IL16: variants seen among roughly 807,000 people sequenced by gnomAD.
The protein encoded by IL16 is pro-interleukin-16.
Under a neutral mutation model 110.1 loss-of-function variants are expected in IL16, and 67 were observed. The ratio of observed to expected loss-of-function variants is 0.61; its 90% CI spans 0.50 to 0.75. IL16 has a LOEUF of 0.75. Ranked by LOEUF, IL16 falls within the 30% of genes least tolerant of loss-of-function variation. IL16 has a pLI of 0.00. For synonymous variants in IL16, 689 were observed against 662.9 expected, an observed-to-expected ratio of 1.04 and a Z score of -0.61; for missense variants, 1,545 against 1,655.0, an observed-to-expected ratio of 0.93 and a Z score of 1.15.
At chr15:81,249,246 C>T (rs1415686713) in intron 2 of IL16, among the ~76,000 whole-genome samples, 2 of 152,148 alleles carry the variant, frequency 1.3e-5, no homozygotes, top group African/African-American at 4.8e-5. Flanking sequence ...ATTATTACTT[C>T]AGTCACTTTT....
In IL16 at chr15:81,309,126, A is replaced by C. The variant is rs2141654759; in HGVS notation, c.*328A>C. The stretch of plus-strand genomic sequence containing the variant: ...CATGCCTGGCTTCGCAAAATGTTTC[A>C]AGTACTGTAACTGTGTCATGATTCA... On this transcript the variant is annotated 3_prime_UTR_variant, in exon 19 of 19. Transcript: ENST00000683961. 3 of 249,900 alleles carry C rather than the reference A, an allele frequency of 1.2e-5. No individual in the cohort carries two copies. Among genetic ancestry groups the C allele is most frequent in the Non-Finnish European group, 2.3e-5 (3 of 130,564 alleles). 15.5% of individuals were successfully genotyped at this position (249,900 alleles called of 1,614,324 possible). A position where few individuals can be genotyped will look rare whatever the true frequency, so the allele number is the denominator to read the frequency against.
Position 81,225,613 on chromosome 15 carries a change from A to G in IL16, c.214A>G (p.Ser72Gly). The change falls in exon 2 of 19, where the codon AGC becomes GGC. Residue 72 changes from serine to glycine, a missense_variant. Ser to Gly is a moderately conservative substitution (Grantham distance 56). Transcript: ENST00000683961. ...QLADTSEAGP[S>G]SVPDLALASE... ...GGCAGACACATCGGAGGCTGGGCCC[A>G]GCAGTGTTCCTGATCTAGCACTGGC... 6.2e-7 allele frequency: 1 copy of G among 1,614,114 alleles called. No homozygotes were observed. The highest frequency in any genetic ancestry group is 8.5e-7 in the Non-Finnish European group (1 of 1,179,990).
At chr15:81,194,254 G>A (rs570239978), upstream of IL16, among the ~76,000 whole-genome samples, 23 of 152,274 alleles carry the variant, frequency 1.5e-4, no homozygotes, top group Middle Eastern at 3.4e-3. Flanking sequence ...GGGGCTTATT[G>A]CTCTGACCCT....
At chr15:81,267,598 C>G (rs900833515) in intron 4 of IL16, among the ~76,000 whole-genome samples, 3 of 152,034 alleles carry the variant, frequency 2.0e-5, no homozygotes, top group Admixed American at 1.3e-4. Context: ...AATTGACAAG[C>G]TGGAGACCCA....
chr15:81,303,243 G>T lies in IL16; in HGVS notation c.3319-306G>T. ...CTACAACCTGACTTCATCTCACACT[G>T]TCCAATATGCTGATTTCTGGCTGAC... is the stretch of plus-strand genomic sequence containing the variant. On this transcript the variant is annotated intron_variant, in intron 15 of 18. Coordinates refer to ENST00000683961, the MANE Select transcript of IL16 (RefSeq NM_172217.5). The surrounding 1 kb of genome is among the most constrained non-coding windows in gnomAD (Gnocchi z 4.1). 2 of 287,682 alleles carry T rather than the reference G, an allele frequency of 7.0e-6. No individual in the cohort carries two copies. Among genetic ancestry groups the T allele is most frequent in the Non-Finnish European group, 1.3e-5 (2 of 150,588 alleles). 17.8% of individuals were successfully genotyped at this position (287,682 alleles called of 1,614,324 possible).
chr15:81,266,276 A>G (rs1898379009), intron 4 of IL16, among the ~76,000 whole-genome samples: 1 of 152,254 alleles, frequency 6.6e-6, no homozygotes, highest in South Asian at 2.1e-4. Context: ...TTTCACTCCT[A>G]TAATCTAGTG....
At chr15:81,257,892 CA>C (rs1255871797) in intron 2 of IL16, among the ~76,000 whole-genome samples, 1 of 152,076 alleles carries the variant, frequency 6.6e-6, no homozygotes, top group Non-Finnish European at 1.5e-5. Flanking sequence ...AACCAATATC[CA>C]AAGATTCTAT....
intron 3 of IL16, among the ~76,000 whole-genome samples, chr15:81,263,764 C>A (rs1177421314): frequency 6.6e-6 from 1 of 152,174 alleles, no homozygotes; most frequent in Non-Finnish European, 1.5e-5. Flanking sequence ...CCTCTGAACC[C>A]AAAGCATGCA....
chr15:81,248,688 ATTCTATTTCTGTGAT>A (rs1897652559), intron 2 of IL16, among the ~76,000 whole-genome samples: 1 of 121,106 alleles, frequency 8.3e-6, no homozygotes, highest in Non-Finnish European at 1.8e-5. Context: ...TCTGTTTCTA[ATTCTATTTCTGTGAT>A]TTTTTTTCTT....
intron 2 of IL16, among the ~76,000 whole-genome samples, chr15:81,232,042 G>GTTTTTTTGTTTTTTTTTTTT (rs1897008513): frequency 1.7e-5 from 1 of 57,692 alleles, no homozygotes; most frequent in Non-Finnish European, 3.3e-5. Context: ...ATTTGTTCTT[G>GTTTTTTTGTTTTTTTTTTTT]TTTTTTTTTT....
intron 2 of IL16, among the ~76,000 whole-genome samples, chr15:81,231,323 T>G (rs1260736930): frequency 2.8e-5 from 4 of 143,064 alleles, no homozygotes; most frequent in Non-Finnish European, 4.5e-5. Flanking sequence ...AAGGTCGGTC[T>G]GTCTCTCTCT....
At chr15:81,187,946 G>A (rs1895441661) in intron 1 of IL16, among the ~76,000 whole-genome samples, 1 of 152,158 alleles carries the variant, frequency 6.6e-6, no homozygotes, top group South Asian at 2.1e-4. Context: ...TGCAGTTTTG[G>A]GTTCTGACAG....
intron 2 of IL16, among the ~76,000 whole-genome samples, chr15:81,251,779 G>A (rs1177050533): frequency 1.3e-5 from 2 of 152,016 alleles, no homozygotes; most frequent in Admixed American, 1.3e-4. Context: ...ACTCTACTGA[G>A]AGTCATTTCT....
chr15:81,304,107 A>G (rs1900431657), intron 16 of IL16, among the ~76,000 whole-genome samples: 1 of 152,238 alleles, frequency 6.6e-6, no homozygotes, highest in South Asian at 2.1e-4. Flanking sequence ...AGTTCACAGC[A>G]TCAGCCAGCA....
At chr15:81,279,439 A>C in intron 7 of IL16, 119 bp from the exon 8 acceptor site, 16 of 640,148 alleles carry the variant, frequency 2.5e-5, no homozygotes, top group Non-Finnish European at 4.0e-5. Flanking sequence ...GTATGAATAT[A>C]TGCGCACATT....
intron 1 of IL16, among the ~76,000 whole-genome samples, chr15:81,212,646 AT>A (rs1169305511): frequency 6.6e-6 from 1 of 151,690 alleles, no homozygotes; most frequent in African/African-American, 2.4e-5. Context: ...TAAGTTTTGT[AT>A]TTTTAGTAGA....
chr15:81,251,479 T>C (rs1013766294), intron 2 of IL16, among the ~76,000 whole-genome samples: 8 of 152,196 alleles, frequency 5.3e-5, no homozygotes, highest in African/African-American at 1.9e-4. Context: ...AAGTCTCCTG[T>C]CATGACACCT....
At chr15:81,263,257 A>G (rs200371820) in intron 3 of IL16, among the ~76,000 whole-genome samples, 1 of 152,074 alleles carries the variant, frequency 6.6e-6, no homozygotes, top group East Asian at 1.9e-4. Flanking sequence ...GTAATTCAAC[A>G]TAACTTTATA....
At position 81,292,589 on chromosome 15, in the gene IL16, G is replaced by T. The variant is rs369646049; in HGVS notation, c.1454G>T (p.Arg485Leu). 2 of 1,605,538 alleles carry T rather than the reference G, an allele frequency of 1.2e-6. No homozygotes were observed. The highest frequency in any genetic ancestry group is 8.5e-7 in the Non-Finnish European group (1 of 1,173,158). ...AGGCTGGAAAGCAGTTGGCACGGGC[G>T]GCCCACCTTGGAGAAGGAACGAGAG... ...VKRLESSWHG[R>L]PTLEKEREKN... is the part of the protein sequence containing the mutation. The change falls in exon 12 of 19, where the codon CGG becomes CTG. Residue 485 changes from arginine to leucine, a missense_variant. By Grantham distance (102) the Arg-to-Leu change is moderately radical. Transcript: ENST00000683961.
Sources: allele counts gnomAD v4.1 joint callset (sites outside exome capture counted in the v4.1 genomes callset), GRCh38; gene constraint gnomAD v4.1.1; non-coding constraint Gnocchi (gnomAD v3.1); transcripts MANE v1.5; gene names NCBI Gene and HGNC (gene_info 2026-07-23, HGNC 2026-07-21).